The following LAMTOR4 variants were observed in gnomAD, a reference collection of about 807,000 sequenced individuals.
LAMTOR4 encodes the protein ragulator complex protein LAMTOR4.
In LAMTOR4, 11 loss-of-function variants were observed where a neutral mutation model predicts 13.5. That is an observed-to-expected ratio of 0.82 (90% CI 0.51 to 1.35). The LOEUF (loss-of-function observed/expected upper bound fraction) is 1.35, where lower values mean the gene tolerates loss of function less well. Ranked by LOEUF, LAMTOR4 falls within the 40% of genes most tolerant of loss-of-function variation. The probability of loss-of-function intolerance (pLI) is 0.00; values close to 1 mark genes in which losing one functional copy is unlikely to be tolerated. For missense variants in LAMTOR4, 128 were observed against 126.2 expected (o/e 1.01, Z -0.07); for synonymous variants, 69 against 52.3 (o/e 1.32, Z -1.38).
intron 2 of LAMTOR4, chr7:100,152,757 G>C (rs1285815168): frequency 6.6e-6 from 1 of 152,586 alleles, no homozygotes; most frequent in Non-Finnish European, 1.5e-5. Context: ...GCCATTAACA[G>C]GTAAGTGGTG....
rs143273999 is a variant in LAMTOR4, at chr7:100,153,893, G to A, written c.229G>A (p.Val77Met). 1.1e-5 allele frequency: 17 copies of A among 1,589,248 alleles called. No individual in the cohort carries two copies. The highest frequency in any genetic ancestry group is 1.5e-5 in the Non-Finnish European group (17 of 1,168,086). The change falls in exon 4 of 4, where the codon GTG (valine) becomes ATG (methionine). Residue 77 changes from valine (V) to methionine (M), a missense_variant. Transcript: ENST00000341942. ...SVVFGEHTLL[V>M]TVSGQRVFVV... Reference sequence around the variant, plus strand: ...GGTCTTTGGAGAACACACACTGCTGGTGACGGTGTCAGGACAGAGGGTGTT... The same window carrying A: ...GGTCTTTGGAGAACACACACTGCTGATGACGGTGTCAGGACAGAGGGTGTT...
chr7:100,153,798 C>G, intron 3 of LAMTOR4, 69 bp from the exon 4 acceptor site: 2 of 1,110,280 alleles, frequency 1.8e-6, no homozygotes, highest in African/African-American at 1.5e-5. Context: ...CCCATGGAGT[C>G]TGTTGCACCC....
intron 3 of LAMTOR4, 75 bp downstream of exon 3, chr7:100,153,592 TCTTC>T (rs1203794207): frequency 7.8e-7 from 1 of 1,277,034 alleles, no homozygotes; most frequent in Admixed American, 1.7e-5. Flanking sequence ...CGGCTTCTCT[TCTTC>T]CAGCCTCCTA....
At position 100,153,517 on chromosome 7, in the gene LAMTOR4, G is replaced by C; in HGVS notation, c.202G>C (p.Val68Leu). The C allele has an allele frequency of 6.2e-7, 1 of 1,605,784 alleles. No individual in the cohort carries two copies. The change falls in exon 3 of 4, where the codon GTG becomes CTG. Residue 68 changes from valine to leucine, a missense_variant and splice_region_variant. Val to Leu is a conservative substitution (Grantham distance 32, BLOSUM62 1). Coordinates refer to ENST00000341942, the MANE Select transcript of LAMTOR4 (RefSeq NM_001008395.4). ...GAATGTGCCCTTCAAGCGCCTGTCT[G>C]GTGAGCCCCTGCCCCTGCCCTTGGT... ...GMNVPFKRLS[V>L]VFGEHTLLVT...
At chr7:100,149,002 A>G in intron 1 of LAMTOR4, 27 bp downstream of exon 1, 1 of 1,604,624 alleles carries the variant, frequency 6.2e-7, no homozygotes, top group Non-Finnish European at 8.5e-7. Flanking sequence ...GCGCGAGAGG[A>G]CCCGCCGGGG....
intron 2 of LAMTOR4, among the ~76,000 whole-genome samples, chr7:100,151,002 A>C (rs1192596562): frequency 6.6e-6 from 1 of 151,554 alleles, no homozygotes; most frequent in Non-Finnish European, 1.5e-5. Context: ...AAAAACAAAA[A>C]AAAAAAGAGA....
At chr7:100,150,185 A>G (rs1042787022) in intron 2 of LAMTOR4, among the ~76,000 whole-genome samples, 1 of 152,082 alleles carries the variant, frequency 6.6e-6, no homozygotes, top group Admixed American at 6.5e-5. Flanking sequence ...TTTATTTGGT[A>G]TTTCTTAAAG....
intron 2 of LAMTOR4, 56 bp downstream of exon 2, chr7:100,149,635 C>T: frequency 7.8e-7 from 1 of 1,286,482 alleles, no homozygotes; most frequent in East Asian, 2.3e-5. Context: ...GTAACCCCTT[C>T]TAATATTGGC....
intron 2 of LAMTOR4, among the ~76,000 whole-genome samples, chr7:100,153,054 G>A (rs1798752894): frequency 6.6e-6 from 1 of 151,976 alleles, no homozygotes; most frequent in Non-Finnish European, 1.5e-5. Flanking sequence ...CAGCTATTTG[G>A]GAGGCTGAGG....
chr7:100,151,482 G>A (rs370460086), intron 2 of LAMTOR4, among the ~76,000 whole-genome samples: 7 of 151,028 alleles, frequency 4.6e-5, no homozygotes, highest in East Asian at 3.9e-4. Context: ...TCCGCCTCCC[G>A]GGTTCACGCC....
chr7:100,151,674 C>G (rs971832999), intron 2 of LAMTOR4, among the ~76,000 whole-genome samples: 4 of 151,698 alleles, frequency 2.6e-5, no homozygotes, highest in African/African-American at 9.7e-5. Context: ...AGGTGTGAGC[C>G]ACAGCACCCC....
chr7:100,153,391 T>C lies in LAMTOR4; in HGVS notation c.85-9T>C, dbSNP rs1315522066. On this transcript the variant is annotated splice_polypyrimidine_tract_variant and intron_variant, in intron 2 of 3. Coordinates refer to ENST00000341942, the MANE Select transcript of LAMTOR4 (RefSeq NM_001008395.4). ...TGCCCGCCCCTCTCCCTCCTCCGTC[T>C]GCATGCAGTCATCTGGGGACCTGGA... 6.3e-7 allele frequency: 1 copy of C among 1,593,604 alleles called. No homozygotes were observed. Among genetic ancestry groups the C allele is most frequent in the Admixed American group, 1.7e-5 (1 of 59,942 alleles).
rs572241879 is a variant in LAMTOR4 at position 100,150,796 on chromosome 7, C to T, written c.84+1217C>T. On this transcript the variant is annotated intron_variant, in intron 2 of 3. Coordinates refer to ENST00000341942, the MANE Select transcript of LAMTOR4 (RefSeq NM_001008395.4). ...GTCAGGAGATCGAGACCATCCTGGC[C>T]AACACGGTGAAACCCCGTCTGTACT... 1.1e-4 allele frequency among the ~76,000 whole-genome samples: 17 copies of T among 151,840 alleles called. No homozygotes were observed. In the South Asian group the frequency reaches 1.2e-3, roughly 11 times the overall value.
chr7:100,149,012 G>A (rs773927132), intron 1 of LAMTOR4, 37 bp downstream of exon 1: 6 of 1,602,748 alleles, frequency 3.7e-6, no homozygotes, highest in Non-Finnish European at 5.1e-6. Flanking sequence ...ACCCGCCGGG[G>A]GTTCAGCGTC....
chr7:100,151,068 T>C (rs1452188689), intron 2 of LAMTOR4, among the ~76,000 whole-genome samples: 1 of 151,806 alleles, frequency 6.6e-6, no homozygotes, highest in Non-Finnish European at 1.5e-5. Context: ...AGTTTTGTTT[T>C]TGTTTTTTTT....
chr7:100,150,968 G>C (rs1343738518), intron 2 of LAMTOR4, among the ~76,000 whole-genome samples: 1 of 149,290 alleles, frequency 6.7e-6, no homozygotes, highest in East Asian at 2.0e-4. Flanking sequence ...CAGCCTGGGC[G>C]ACAGAGCAAG....
chr7:100,151,499 C>G (rs1208829778), intron 2 of LAMTOR4, among the ~76,000 whole-genome samples: 1 of 152,068 alleles, frequency 6.6e-6, no homozygotes, highest in Non-Finnish European at 1.5e-5. Flanking sequence ...CGCCATTCTC[C>G]TGCCTCAGCC....
At chr7:100,150,216 A>G (rs192732073) in intron 2 of LAMTOR4, among the ~76,000 whole-genome samples, 122 of 152,268 alleles carry the variant, frequency 8.0e-4, no homozygotes, top group African/African-American at 2.7e-3. Flanking sequence ...ATTTTGTTCC[A>G]TAGTACTGTA....
intron 2 of LAMTOR4, 50 bp from the exon 3 acceptor site, chr7:100,153,350 T>C: frequency 1.5e-6 from 2 of 1,320,486 alleles, no homozygotes; most frequent in Non-Finnish European, 2.2e-6. Flanking sequence ...AATTCCTTCC[T>C]GAGCCTGTGC....
Sources: gnomAD v4.1 joint callset for allele counts (sites outside exome capture counted in the v4.1 genomes callset) on GRCh38, gnomAD v4.1.1 for gene constraint, MANE v1.5 for transcripts, NCBI Gene and HGNC (gene_info 2026-07-23, HGNC 2026-07-21) for gene names.